The following TNFRSF19 variants were observed in gnomAD, a reference collection of about 807,000 sequenced individuals.
TNFRSF19 encodes TNF receptor superfamily member 19, also known as tumor necrosis factor receptor superfamily member 19.
In TNFRSF19, 27 loss-of-function variants were observed where a neutral mutation model predicts 46.4. The observed-to-expected ratio is 0.58, with a 90% CI of 0.43 to 0.80. TNFRSF19 has a LOEUF of 0.80. TNFRSF19 is among the 30% of genes least tolerant of loss of function. The pLI is 0.00. For synonymous variants in TNFRSF19, 204 were observed against 205.0 expected, an observed-to-expected ratio of 1.00 and a Z score of 0.04; for missense variants, 511 against 530.8, an observed-to-expected ratio of 0.96 and a Z score of 0.37.
At chr13:23,652,435 A>T (rs970714014) in intron 5 of TNFRSF19, among the ~76,000 whole-genome samples, 2 of 152,218 alleles carry the variant, frequency 1.3e-5, no homozygotes, top group African/African-American at 4.8e-5. Context: ...TAGATTGTTA[A>T]CTAAGATTAC....
chr13:23,643,641 G>A (rs1426196894), intron 5 of TNFRSF19, among the ~76,000 whole-genome samples: 5 of 152,208 alleles, frequency 3.3e-5, no homozygotes, highest in African/African-American at 1.2e-4. Flanking sequence ...AACAGGCTGA[G>A]GATGGCAATA....
intron 5 of TNFRSF19, among the ~76,000 whole-genome samples, chr13:23,645,339 T>A (rs1883268572): frequency 6.6e-6 from 1 of 152,138 alleles, no homozygotes; most frequent in South Asian, 2.1e-4. Flanking sequence ...GTAGCTGGGA[T>A]TACAGGTGTG....
Position 23,675,272 on chromosome 13 carries a change from A to G in TNFRSF19, c.*1892A>G, listed in dbSNP as rs918521353. 6.6e-6 allele frequency: 1 copy of G among 151,566 alleles called. No homozygotes were observed. Among genetic ancestry groups the G allele is most frequent in the African/African-American group, 2.4e-5 (1 of 40,848 alleles). 9.4% of individuals were successfully genotyped at this position (151,566 alleles called of 1,614,324 possible). ...GGTCTGTTTGCATTTCTGTTATGACAGAGAGATGATGTTTGCATTTCTGTT... is the reference window on the plus strand; with the variant it reads ...GGTCTGTTTGCATTTCTGTTATGACGGAGAGATGATGTTTGCATTTCTGTT... On this transcript the variant is annotated 3_prime_UTR_variant, in exon 10 of 10. Coordinates refer to ENST00000248484, the MANE Select transcript of TNFRSF19 (RefSeq NM_148957.4).
chr13:23,608,806 C>T (rs1880690594), intron 3 of TNFRSF19, among the ~76,000 whole-genome samples: 1 of 152,216 alleles, frequency 6.6e-6, no homozygotes, highest in South Asian at 2.1e-4. Flanking sequence ...TGGGACCAGC[C>T]TGTAAAACAA....
At chr13:23,600,437 C>T (rs1258236133) in intron 3 of TNFRSF19, among the ~76,000 whole-genome samples, 1 of 152,144 alleles carries the variant, frequency 6.6e-6, no homozygotes, top group Non-Finnish European at 1.5e-5. Flanking sequence ...TCCAGGAGGA[C>T]CCACTCATAG....
chr13:23,602,472 A>G (rs1199994521), intron 3 of TNFRSF19, among the ~76,000 whole-genome samples: 5 of 152,148 alleles, frequency 3.3e-5, no homozygotes, highest in Non-Finnish European at 7.4e-5. Context: ...CAGAAAGTCA[A>G]TATGGACATA....
At chr13:23,624,827 T>C (rs572984957) in intron 4 of TNFRSF19, among the ~76,000 whole-genome samples, 29 of 152,084 alleles carry the variant, frequency 1.9e-4, no homozygotes, top group African/African-American at 7.0e-4. Context: ...CTTGGCTCAC[T>C]GCAACCTCTG....
chr13:23,628,392 T>G (rs920446480), intron 5 of TNFRSF19, among the ~76,000 whole-genome samples: 1 of 152,188 alleles, frequency 6.6e-6, no homozygotes, highest in Non-Finnish European at 1.5e-5. Flanking sequence ...GGACAAGCCC[T>G]CTTGCCAGTT....
Position 23,621,753 on chromosome 13 carries a change from G to A in TNFRSF19, c.360-4954G>A, listed in dbSNP as rs148373070. Among the ~76,000 whole-genome samples, 267 of 150,240 alleles carry A rather than the reference G, an allele frequency of 1.8e-3. 1 individual carries two copies. The highest frequency in any genetic ancestry group is 6.0e-3 in the African/African-American group (245 of 40,862). ...GAGCTCAAGAGTGTGACATCAGCCT[G>A]GGCAACATGGCGAAACCCTATCTCT... On this transcript the variant is annotated intron_variant, in intron 4 of 9. Coordinates refer to ENST00000248484, the MANE Select transcript of TNFRSF19 (RefSeq NM_148957.4).
intron 1 of TNFRSF19, among the ~76,000 whole-genome samples, chr13:23,575,252 C>T (rs761216736): frequency 6.6e-6 from 1 of 152,224 alleles, no homozygotes; most frequent in Admixed American, 6.5e-5. Flanking sequence ...GCCAAACTCA[C>T]AAAGATCAGT....
At chr13:23,638,795 C>G (rs540722273) in intron 5 of TNFRSF19, among the ~76,000 whole-genome samples, 28 of 152,276 alleles carry the variant, frequency 1.8e-4, no homozygotes, top group African/African-American at 6.7e-4. Context: ...CTCCTTTGCT[C>G]CCTCAGCCTC....
chr13:23,625,071 T>C (rs1362349364), intron 4 of TNFRSF19, among the ~76,000 whole-genome samples: 4 of 151,948 alleles, frequency 2.6e-5, no homozygotes, highest in African/African-American at 9.7e-5. Flanking sequence ...TATTTTTATA[T>C]GTATTGGTAA....
intron 5 of TNFRSF19, among the ~76,000 whole-genome samples, chr13:23,639,024 C>G (rs1882875807): frequency 6.6e-6 from 1 of 152,164 alleles, no homozygotes; most frequent in Admixed American, 6.5e-5. Context: ...TAGTTCAACT[C>G]AACAATTAAT....
intron 5 of TNFRSF19, among the ~76,000 whole-genome samples, chr13:23,645,614 A>G (rs922641824): frequency 2.0e-5 from 3 of 152,132 alleles, no homozygotes; most frequent in Non-Finnish European, 2.9e-5. Flanking sequence ...CCCTTATCTC[A>G]GAGGCTGACT....
chr13:23,666,667 G>T (rs1471766677), intron 7 of TNFRSF19, among the ~76,000 whole-genome samples: 1 of 152,224 alleles, frequency 6.6e-6, no homozygotes, highest in African/African-American at 2.4e-5. Flanking sequence ...AGGAATGGCA[G>T]TGCCTTTTGC....
At chr13:23,589,352 C>T (rs1593235488) in intron 1 of TNFRSF19, among the ~76,000 whole-genome samples, 1 of 152,142 alleles carries the variant, frequency 6.6e-6, no homozygotes, top group Admixed American at 6.5e-5. Flanking sequence ...TTTCATCACT[C>T]GTCAATGACT....
intron 3 of TNFRSF19, among the ~76,000 whole-genome samples, chr13:23,614,478 T>C (rs1046468143): frequency 4.6e-5 from 7 of 152,230 alleles, no homozygotes; most frequent in African/African-American, 1.4e-4. Context: ...AAAATGGGAA[T>C]GTTGAACTAG....
At chr13:23,585,543 C>T (rs1380952820) in intron 1 of TNFRSF19, 1 of 152,224 alleles carries the variant, frequency 6.6e-6, no homozygotes, top group African/African-American at 2.4e-5. Context: ...ATTTCAACCT[C>T]AGGTTATATT....
At chr13:23,617,652 G>T (rs994751354) in intron 4 of TNFRSF19, among the ~76,000 whole-genome samples, 4 of 152,230 alleles carry the variant, frequency 2.6e-5, no homozygotes, top group African/African-American at 9.7e-5. Flanking sequence ...TATTGCAAAA[G>T]TAAGAAACAA....
Sources: gnomAD v4.1 joint callset for allele counts (sites outside exome capture counted in the v4.1 genomes callset) on GRCh38, gnomAD v4.1.1 for gene constraint, MANE v1.5 for transcripts, NCBI Gene and HGNC (gene_info 2026-07-23, HGNC 2026-07-21) for gene names.